The following DCAF17 variants were observed in gnomAD, a reference collection of about 807,000 sequenced individuals.
DCAF17 encodes DDB1 and CUL4 associated factor 17, also known as DDB1- and CUL4-associated factor 17.
DCAF17 carries 48 observed loss-of-function variants against 66.0 expected under a neutral mutation model. The ratio of observed to expected loss-of-function variants is 0.73; its 90% CI spans 0.58 to 0.92. The LOEUF is 0.92. DCAF17 is among the 40% of genes least tolerant of loss of function. The pLI is 0.00. For missense variants in DCAF17, 562 were observed against 622.8 expected (o/e 0.90, Z 1.04); for synonymous variants, 206 against 214.6 (o/e 0.96, Z 0.35).
In DCAF17 at chr2:171,445,325, A is replaced by T. The variant is rs145524184; in HGVS notation, c.321+1712A>T. 1.6e-4 allele frequency among the ~76,000 whole-genome samples: 24 copies of T among 152,092 alleles called. 1 individual carries two copies. The highest frequency in any genetic ancestry group is 1.6e-3 in the Admixed American group (24 of 15,260). On this transcript the variant is annotated intron_variant, in intron 3 of 13. Transcript: ENST00000375255. The stretch of plus-strand genomic sequence containing the variant: ...TTTTTAGTAGACACGGGGTTTCACC[A>T]TGTTGGCCAGGCTGGTCTCGAACTC...
At chr2:171,478,853 G>A (rs1307736361) in intron 12 of DCAF17, among the ~76,000 whole-genome samples, 1 of 152,076 alleles carries the variant, frequency 6.6e-6, no homozygotes, top group African/African-American at 2.4e-5. Context: ...GAACAAAGAA[G>A]AAAGCAACAT....
intron 1 of DCAF17, 161 bp downstream of exon 1, chr2:171,434,864 G>C: frequency 1.2e-5 from 14 of 1,142,738 alleles, no homozygotes; most frequent in Non-Finnish European, 1.6e-5. Flanking sequence ...TGGTAATAGG[G>C]CCACCAGCTG....
chr2:171,448,719 A>C lies in DCAF17; in HGVS notation c.360A>C (p.Ser120=). Residue 120 remains serine (S), a synonymous_variant, in exon 4 of 14, where the codon TCA becomes TCC. Transcript: ENST00000375255. ...ILPNSSDYKS[S]LIALTAHNWL... ...CCAATTCATCAGATTATAAGTCCTC[A>C]CTCATAGCACTGACTGCTCATAATT... The C allele has an allele frequency of 6.2e-7, 1 of 1,611,440 alleles. No homozygotes were observed. Among genetic ancestry groups the C allele is most frequent in the Non-Finnish European group, 8.5e-7 (1 of 1,179,046 alleles).
intron 9 of DCAF17, 101 bp from the exon 10 acceptor site, chr2:171,473,765 T>A: frequency 1.1e-6 from 1 of 907,100 alleles, no homozygotes; most frequent in East Asian, 2.6e-5. Context: ...TATTTTTTCT[T>A]CCGTGTACCT....
At position 171,469,819 on chromosome 2, in the gene DCAF17, T is replaced by G. The variant is rs576882160; in HGVS notation, c.981+789T>G. Among the ~76,000 whole-genome samples, 210 of 152,282 alleles carry G rather than the reference T, an allele frequency of 1.4e-3. 3 individuals are homozygous for G. Among genetic ancestry groups the G allele is most frequent in the Non-Finnish European group, 2.4e-3 (163 of 68,018 alleles). On this transcript the variant is annotated intron_variant, in intron 9 of 13. Coordinates refer to ENST00000375255, the MANE Select transcript of DCAF17 (RefSeq NM_025000.4). The stretch of plus-strand genomic sequence containing the variant: ...TTATGTTTTTTGTTGGTTAGTTTGT[T>G]TTTCAAGACAGGATCTCACTGTGTC...
intron 2 of DCAF17, among the ~76,000 whole-genome samples, chr2:171,435,401 A>C (rs996291340): frequency 6.6e-6 from 1 of 152,210 alleles, no homozygotes; most frequent in Non-Finnish European, 1.5e-5. Context: ...CTTAAAGCAA[A>C]ACTACAGTGC....
chr2:171,435,609 T>C (rs1045904501), intron 2 of DCAF17, among the ~76,000 whole-genome samples: 9 of 151,306 alleles, frequency 5.9e-5, no homozygotes, highest in African/African-American at 1.9e-4. Flanking sequence ...AGATCCAAAA[T>C]GTTTAACAGT....
In DCAF17 at chr2:171,453,140, A is replaced by G. The variant is rs775985887; in HGVS notation, c.554A>G (p.His185Arg). 8.7e-6 allele frequency: 14 copies of G among 1,608,838 alleles called. No homozygotes were observed. In the Admixed American group the frequency reaches 2.0e-4, roughly 23 times the overall value. ...TCCTTCTAGGCAGGCATTCAACAAC[A>G]TGTTTTGCTGTACCTTGCAGTGTTC... ...AVARQAGIQQ[H>R]VLLYLAVFRV... The change falls in exon 6 of 14, where the codon CAT (histidine) becomes CGT (arginine). Residue 185 changes from histidine (H) to arginine (R), a missense_variant. By Grantham distance (29) the His-to-Arg change is conservative. This residue lies in a region of DCAF17 where 348 missense variants were observed against 355.9 expected (regional missense o/e 0.98). Coordinates refer to ENST00000375255, the MANE Select transcript of DCAF17 (RefSeq NM_025000.4).
chr2:171,442,095 A>G (rs144909477), intron 2 of DCAF17, among the ~76,000 whole-genome samples: 18 of 152,336 alleles, frequency 1.2e-4, no homozygotes, highest in African/African-American at 3.4e-4. Flanking sequence ...TTAATGTCCA[A>G]TGGTGTTTTA....
At chr2:171,472,516 A>T (rs1304599162) in intron 9 of DCAF17, among the ~76,000 whole-genome samples, 1 of 152,046 alleles carries the variant, frequency 6.6e-6, no homozygotes, top group Non-Finnish European at 1.5e-5. Flanking sequence ...ACTGTCTCTT[A>T]TTTGTAGCTA....
At position 171,482,508 on chromosome 2, in the gene DCAF17, A is replaced by T. The variant is rs755782376; in HGVS notation, c.*1394A>T. ...CCCACTCAGTAAACTTACATCTTGA[A>T]AAACAAGACCAGTAAGAGGCCAGTG... On this transcript the variant is annotated 3_prime_UTR_variant, in exon 14 of 14. Coordinates refer to ENST00000375255, the MANE Select transcript of DCAF17 (RefSeq NM_025000.4). 14 of 454,004 alleles carry T rather than the reference A, an allele frequency of 3.1e-5. No individual in the cohort carries two copies. Among genetic ancestry groups the T allele is most frequent in the Non-Finnish European group, 5.3e-5 (12 of 226,796 alleles). 28.1% of individuals were successfully genotyped at this position (454,004 alleles called of 1,614,324 possible).
At chr2:171,480,624 A>G (rs1346953479) in intron 13 of DCAF17, among the ~76,000 whole-genome samples, 3 of 152,168 alleles carry the variant, frequency 2.0e-5, no homozygotes, top group African/African-American at 7.2e-5. Flanking sequence ...GTTGTAAGGA[A>G]CAATAGACAT....
intron 8 of DCAF17, among the ~76,000 whole-genome samples, chr2:171,467,366 C>A (rs763724456): frequency 4.6e-5 from 7 of 152,104 alleles, no homozygotes; most frequent in African/African-American, 1.7e-4. Flanking sequence ...TTCTGGTCAA[C>A]AGTAGGCTAT....
chr2:171,479,874 G>A, intron 12 of DCAF17, 164 bp from the exon 13 acceptor site: 1 of 720,004 alleles, frequency 1.4e-6, no homozygotes, highest in South Asian at 1.9e-5. Flanking sequence ...TGTTTTACTA[G>A]GCATATAAAC....
rs1437555300 is a variant in DCAF17 at position 171,484,446 on chromosome 2, A to G, written c.*3332A>G. 2.4e-6 allele frequency: 1 copy of G among 424,204 alleles called. No individual in the cohort carries two copies. The highest frequency in any genetic ancestry group is 7.1e-5 in the East Asian group (1 of 14,066). The allele number at this position is 424,204 out of a possible 1,614,324, so 26.3% of individuals were successfully genotyped here. On this transcript the variant is annotated 3_prime_UTR_variant, in exon 14 of 14. Transcript: ENST00000375255. ...ACTGACCACGGGGATTCTACATCTT[A>G]CTCTACTTGTTTTATTATTTTCCTA... is the stretch of plus-strand genomic sequence containing the variant.
intron 8 of DCAF17, among the ~76,000 whole-genome samples, chr2:171,460,480 C>T (rs2105778798): frequency 6.6e-6 from 1 of 151,438 alleles, no homozygotes. Flanking sequence ...GTAAGGGTGA[C>T]ACTCTGCTAC....
chr2:171,443,691 A>G (rs1694448346), intron 3 of DCAF17, 78 bp downstream of exon 3: 1 of 1,128,278 alleles, frequency 8.9e-7, no homozygotes, highest in African/African-American at 1.5e-5. Context: ...CATATTGCAT[A>G]AAATAATACA....
At chr2:171,448,152 G>A (rs958504971) in intron 3 of DCAF17, among the ~76,000 whole-genome samples, 3 of 151,466 alleles carry the variant, frequency 2.0e-5, no homozygotes, top group African/African-American at 7.3e-5. Context: ...TTTTTTTTGA[G>A]ACGGGATCTC....
At chr2:171,474,796 A>G (rs1384761921) in intron 10 of DCAF17, among the ~76,000 whole-genome samples, 2 of 152,154 alleles carry the variant, frequency 1.3e-5, no homozygotes. Flanking sequence ...AATCCAGTTT[A>G]TTTTGCTACA....
Sources: allele counts gnomAD v4.1 joint callset (sites outside exome capture counted in the v4.1 genomes callset), GRCh38; gene constraint gnomAD v4.1.1; regional missense constraint gnomAD v4.1.1; transcripts MANE v1.5; gene names NCBI Gene and HGNC (gene_info 2026-07-23, HGNC 2026-07-21).